UGT3A1: variants seen among roughly 807,000 people sequenced by gnomAD.
UGT3A1 encodes the protein UDP glycosyltransferase family 3 member A1, also known as UDP-glycosyltransferase 3A1.
Under a neutral mutation model 37.6 loss-of-function variants are expected in UGT3A1, and 40 were observed. The observed-to-expected ratio is 1.06, with a 90% CI of 0.83 to 1.38. The LOEUF is 1.38. Among genes scored for constraint, UGT3A1 ranks in the 40% most tolerant of loss-of-function variants. UGT3A1 has a pLI of 0.00. For synonymous variants in UGT3A1, 256 were observed against 232.3 expected, an observed-to-expected ratio of 1.10 and a Z score of -0.93; for missense variants, 642 against 634.2, an observed-to-expected ratio of 1.01 and a Z score of -0.13.
chr5:35,977,932 G>T (rs976347723), intron 2 of UGT3A1, among the ~76,000 whole-genome samples: 2 of 152,202 alleles, frequency 1.3e-5, no homozygotes, highest in Admixed American at 6.5e-5. Flanking sequence ...AGGGACAAAA[G>T]AAATTTTCTT....
intron 6 of UGT3A1, chr5:35,954,690 A>G: frequency 1.7e-6 from 1 of 586,410 alleles, no homozygotes; most frequent in Non-Finnish European, 3.0e-6. Context: ...ACAAAGACCA[A>G]TGATTAATTC....
At chr5:35,955,373 G>A (rs1451553505) in intron 6 of UGT3A1, 2 of 585,486 alleles carry the variant, frequency 3.4e-6, no homozygotes, top group Non-Finnish European at 6.1e-6. Flanking sequence ...TCCACTAGAG[G>A]GACTCCCAAA....
At chr5:35,993,776 C>T (rs2111574198), upstream of UGT3A1, among the ~76,000 whole-genome samples, 1 of 152,264 alleles carries the variant, frequency 6.6e-6, no homozygotes, top group South Asian at 2.1e-4. Flanking sequence ...GTGTTTGGTT[C>T]CGGCTTGGGC....
chr5:35,984,974 GA>G (rs1373447336), intron 2 of UGT3A1, among the ~76,000 whole-genome samples: 1 of 148,658 alleles, frequency 6.7e-6, no homozygotes, highest in Non-Finnish European at 1.5e-5. Flanking sequence ...GATTGGGAAA[GA>G]ATTTATAATG....
At chr5:35,973,043 A>T (rs186411119) in intron 2 of UGT3A1, among the ~76,000 whole-genome samples, 3 of 152,286 alleles carry the variant, frequency 2.0e-5, no homozygotes, top group Non-Finnish European at 2.9e-5. Flanking sequence ...GAGATCCTAA[A>T]AACTGAGATA....
At chr5:35,982,629 G>A (rs992063831) in intron 2 of UGT3A1, among the ~76,000 whole-genome samples, 57 of 152,210 alleles carry the variant, frequency 3.7e-4, no homozygotes, top group Admixed American at 3.5e-3. Context: ...GAAGGTACTC[G>A]TCTTGCTTCA....
intron 2 of UGT3A1, among the ~76,000 whole-genome samples, chr5:35,979,479 C>G (rs1022366405): frequency 6.6e-6 from 1 of 152,112 alleles, no homozygotes; most frequent in Non-Finnish European, 1.5e-5. Context: ...AAAGAGTGAC[C>G]TTTGCTTCAG....
chr5:35,954,067 G>T lies in UGT3A1; in HGVS notation c.*135C>A. The stretch of plus-strand genomic sequence containing the variant: ...GTGAAGATTTCTAAACAGAGGCAGA[G>T]AATAGAAAGAAGCAAGTTGCAGGAT... On this transcript the variant is annotated 3_prime_UTR_variant, in exon 7 of 7. Transcript: ENST00000274278. The T allele has an allele frequency of 1.0e-6, 1 of 952,716 alleles. No individual in the cohort carries two copies. 59.0% of individuals were successfully genotyped at this position (952,716 alleles called of 1,614,324 possible).
intron 1 of UGT3A1, among the ~76,000 whole-genome samples, chr5:36,000,454 T>C (rs1741194053): frequency 1.3e-5 from 2 of 152,202 alleles, no homozygotes; most frequent in South Asian, 4.1e-4. Flanking sequence ...TCAACCACAA[T>C]GGAAGGTCCC....
chr5:35,960,616 G>C (rs1207860729), intron 4 of UGT3A1: 1 of 152,254 alleles, frequency 6.6e-6, no homozygotes, highest in African/African-American at 2.4e-5. Flanking sequence ...TAAAGCCCAC[G>C]TGAGCATGGT....
At chr5:35,994,333 T>TTGTGTATGTGTGTG (rs1554075279), upstream of UGT3A1, among the ~76,000 whole-genome samples, 2 of 138,640 alleles carry the variant, frequency 1.4e-5, no homozygotes, top group African/African-American at 5.3e-5. Flanking sequence ...TTTGTTTTGT[T>TTGTGTATGTGTGTG]TGTGTGTGTG....
At chr5:35,978,243 CA>C (rs1185885285) in intron 2 of UGT3A1, among the ~76,000 whole-genome samples, 5 of 152,100 alleles carry the variant, frequency 3.3e-5, no homozygotes, top group African/African-American at 9.7e-5. Flanking sequence ...CCATGTTGGC[CA>C]GGCTGGACTT....
intron 5 of UGT3A1, among the ~76,000 whole-genome samples, chr5:35,956,519 T>G (rs1469706770): frequency 6.6e-6 from 1 of 152,206 alleles, no homozygotes; most frequent in Non-Finnish European, 1.5e-5. Flanking sequence ...TAGTTATGAA[T>G]CTCTGATCCA....
chr5:35,957,149 G>T (rs988626116), intron 5 of UGT3A1, 39 bp downstream of exon 5: 3 of 1,574,792 alleles, frequency 1.9e-6, no homozygotes, highest in Non-Finnish European at 2.6e-6. Flanking sequence ...CCAAAGGCAG[G>T]TCAATGGAAA....
At chr5:35,992,493 C>G (rs1231685792), upstream of UGT3A1, among the ~76,000 whole-genome samples, 1 of 152,118 alleles carries the variant, frequency 6.6e-6, no homozygotes, top group African/African-American at 2.4e-5. Flanking sequence ...AATGCATTAG[C>G]AAAATAAAGG....
intron 4 of UGT3A1, among the ~76,000 whole-genome samples, chr5:35,958,878 C>G (rs1739462925): frequency 6.6e-6 from 1 of 152,168 alleles, no homozygotes; most frequent in South Asian, 2.1e-4. Flanking sequence ...TCACCTAATT[C>G]AGAGCTCACA....
At chr5:35,994,925 T>C (rs543150108), upstream of UGT3A1, among the ~76,000 whole-genome samples, 2 of 152,192 alleles carry the variant, frequency 1.3e-5, no homozygotes, top group Non-Finnish European at 2.9e-5. Flanking sequence ...AAGCAGATTC[T>C]AAGTTACAAT....
At chr5:35,977,564 T>C (rs1308303009) in intron 2 of UGT3A1, among the ~76,000 whole-genome samples, 1 of 152,152 alleles carries the variant, frequency 6.6e-6, no homozygotes, top group Non-Finnish European at 1.5e-5. Context: ...GCTCCCTCTC[T>C]CATCATGTGA....
chr5:35,992,699 A>C (rs1238697388), upstream of UGT3A1, among the ~76,000 whole-genome samples: 1 of 152,272 alleles, frequency 6.6e-6, no homozygotes. Context: ...AGAAGTGTTA[A>C]CATATTAAAT....
Sources: allele counts gnomAD v4.1 joint callset (sites outside exome capture counted in the v4.1 genomes callset), GRCh38; gene constraint gnomAD v4.1.1; transcripts MANE v1.5; gene names NCBI Gene and HGNC (gene_info 2026-07-23, HGNC 2026-07-21).